RIOK3: variants seen among roughly 807,000 people sequenced by gnomAD.
The protein encoded by RIOK3 is RIO kinase 3, also known as serine/threonine-protein kinase RIO3.
Under a neutral mutation model 63.5 loss-of-function variants are expected in RIOK3, and 40 were observed. The observed-to-expected ratio is 0.63, with a 90% confidence interval of 0.49 to 0.82. The LOEUF is 0.82. Among genes scored for constraint, RIOK3 ranks in the 40% least tolerant of loss-of-function variants. The pLI, the probability that RIOK3 is intolerant of heterozygous loss-of-function variation, is 0.00. For missense variants in RIOK3, 557 were observed against 637.0 expected, an observed-to-expected ratio of 0.87 and a Z score of 1.35; for synonymous variants, 193 against 205.0, an observed-to-expected ratio of 0.94 and a Z score of 0.50.
intron 2 of RIOK3, among the ~76,000 whole-genome samples, chr18:23,463,638 A>T (rs1598806069): frequency 6.6e-6 from 1 of 151,156 alleles, no homozygotes; most frequent in South Asian, 2.1e-4. Flanking sequence ...CGAACTCCTG[A>T]CCTCAGATGA....
intron 3 of RIOK3, 43 bp downstream of exon 3, chr18:23,464,155 A>G (rs2057390277): frequency 2.5e-6 from 4 of 1,602,592 alleles, no homozygotes; most frequent in Admixed American, 1.7e-5. Context: ...GTGGTAGAAA[A>G]CACTCATAAT....
At chr18:23,473,761 T>C in intron 8 of RIOK3, 135 bp downstream of exon 8, 1 of 653,476 alleles carries the variant, frequency 1.5e-6, no homozygotes, top group Non-Finnish European at 2.5e-6. Flanking sequence ...TTCATACTTT[T>C]AGGATGAAAA....
chr18:23,471,325 T>G (rs1027566630), intron 7 of RIOK3, among the ~76,000 whole-genome samples: 2 of 152,180 alleles, frequency 1.3e-5, no homozygotes, highest in African/African-American at 2.4e-5. Context: ...GAACAGCTAG[T>G]GCTAATGCCT....
intron 9 of RIOK3, 34 bp downstream of exon 9, chr18:23,475,141 C>T: frequency 6.6e-7 from 1 of 1,524,780 alleles, no homozygotes; most frequent in Non-Finnish European, 8.9e-7. Context: ...TCACACACTA[C>T]CTTTAAAAAA....
chr18:23,473,168 A>G (rs2057466827), intron 7 of RIOK3, among the ~76,000 whole-genome samples: 1 of 152,200 alleles, frequency 6.6e-6, no homozygotes, highest in Non-Finnish European at 1.5e-5. Context: ...TTCAAGCTTG[A>G]TTCCGTAGTC....
At chr18:23,461,931 A>T (rs2057374104) in intron 1 of RIOK3, among the ~76,000 whole-genome samples, 1 of 151,260 alleles carries the variant, frequency 6.6e-6, no homozygotes, top group Non-Finnish European at 1.5e-5. Flanking sequence ...CTCTACTAAA[A>T]ATACAAAAAT....
In RIOK3 at chr18:23,480,863, G is replaced by C. The variant is rs566056643; in HGVS notation, c.1453-309G>C. Among the ~76,000 whole-genome samples the C allele has an allele frequency of 3.3e-5, 5 of 152,298 alleles. No homozygotes were observed. The East Asian group carries it at 9.6e-4, about 29-fold the overall frequency. On this transcript the variant is annotated intron_variant, in intron 12 of 12. Coordinates refer to ENST00000339486, the MANE Select transcript of RIOK3 (RefSeq NM_003831.5). Reference sequence around the variant, plus strand: ...GCACTCTGAGAGGCCAAGGCGGGTGGAACACCTGAGGTCAGGAGTTCGAGA... The same window carrying C: ...GCACTCTGAGAGGCCAAGGCGGGTGCAACACCTGAGGTCAGGAGTTCGAGA...
At chr18:23,457,557 A>T (rs1365613124) in intron 1 of RIOK3, among the ~76,000 whole-genome samples, 1 of 152,248 alleles carries the variant, frequency 6.6e-6, no homozygotes, top group Non-Finnish European at 1.5e-5. Flanking sequence ...TGACAAACGT[A>T]TAATACTAAT....
At chr18:23,467,298 G>A (rs979636758) in intron 6 of RIOK3, 101 bp from the exon 7 acceptor site, 1 of 1,058,286 alleles carries the variant, frequency 9.4e-7, no homozygotes, top group African/African-American at 1.6e-5. Context: ...TGGGTGACAA[G>A]AGCAAGACTC....
chr18:23,463,198 G>A, intron 2 of RIOK3, 119 bp downstream of exon 2: 1 of 578,288 alleles, frequency 1.7e-6, no homozygotes, highest in Non-Finnish European at 3.0e-6. Flanking sequence ...ACCATATTGA[G>A]AGTCCAGTGA....
chr18:23,481,818 T>A lies in RIOK3; in HGVS notation c.*539T>A, dbSNP rs2057536898. 1 of 152,244 alleles carries A rather than the reference T, an allele frequency of 6.6e-6. No homozygotes were observed. Among genetic ancestry groups the A allele is most frequent in the Non-Finnish European group, 1.5e-5 (1 of 68,052 alleles). 9.4% of individuals were successfully genotyped at this position (152,244 alleles called of 1,614,324 possible). Reference sequence around the variant, plus strand: ...AACAAATGGAAATTTGGTTTCAGAATGGCTGACAGAAATCGACATAAGTCA... The same window carrying A: ...AACAAATGGAAATTTGGTTTCAGAAAGGCTGACAGAAATCGACATAAGTCA... On this transcript the variant is annotated 3_prime_UTR_variant, in exon 13 of 13. Coordinates refer to ENST00000339486, the MANE Select transcript of RIOK3 (RefSeq NM_003831.5).
rs1157364729 is a variant in RIOK3, at chr18:23,464,741, G to T, written c.543+113G>T. ...TTCTAAAAATGTCTTTCTTTCTAAA[G>T]ATGTTTTTAGATAACAATATGGCAA... On this transcript the variant is annotated intron_variant, in intron 5 of 12. Transcript: ENST00000339486. The T allele has an allele frequency of 4.2e-5, 22 of 527,496 alleles. No individual in the cohort carries two copies. The East Asian group carries it at 6.4e-4, about 15-fold the overall frequency. The allele number at this position is 527,496 out of a possible 1,614,324, so 32.7% of individuals were successfully genotyped here. A position where few individuals can be genotyped will look rare whatever the true frequency, so the allele number is the denominator to read the frequency against.
Position 23,466,272 on chromosome 18 carries a change from C to CAGCA in RIOK3, c.684_687dup (p.Glu230SerfsTer6). 6.3e-7 allele frequency: 1 copy of CAGCA among 1,586,798 alleles called. No individual in the cohort carries two copies. The highest frequency in any genetic ancestry group is 8.5e-7 in the Non-Finnish European group (1 of 1,170,898). On this transcript the variant is annotated frameshift_variant, in exon 6 of 13. Coordinates refer to ENST00000339486, the MANE Select transcript of RIOK3 (RefSeq NM_003831.5). LOFTEE classifies it high-confidence loss of function. The stretch of plus-strand genomic sequence containing the variant: ...CTACATGAGAAAAAGGAGCATTCTA[C>CAGCA]AGCAGTAAGGATTTATAGATTTTTT...
rs1206585024 is a variant in RIOK3, at chr18:23,474,963, A to G, written c.1029A>G (p.Gly343=). ...MHNLARMQRA[G]IPCPTVVLLK... ...TTATGTATAGAATGCAGAGAGCTGGAATTCCTTGTCCAACAGTTGTACTAC... is the reference window on the plus strand; with the variant it reads ...TTATGTATAGAATGCAGAGAGCTGGGATTCCTTGTCCAACAGTTGTACTAC... The change falls in exon 9 of 13, where the codon GGA becomes GGG. Residue 343 remains glycine (G), a synonymous_variant. Coordinates refer to ENST00000339486, the MANE Select transcript of RIOK3 (RefSeq NM_003831.5). 3.1e-6 allele frequency: 5 copies of G among 1,609,994 alleles called. No homozygotes were observed. Among genetic ancestry groups the G allele is most frequent in the Non-Finnish European group, 3.4e-6 (4 of 1,176,670 alleles).
intron 8 of RIOK3, among the ~76,000 whole-genome samples, chr18:23,474,125 ATTATC>A (rs1406245306): frequency 6.6e-6 from 1 of 152,110 alleles, no homozygotes; most frequent in Non-Finnish European, 1.5e-5. Context: ...AAACCTTTCT[ATTATC>A]TTAATTTATT....
chr18:23,467,562 C>T (rs181076853), intron 7 of RIOK3, 36 bp downstream of exon 7: 316 of 1,591,726 alleles, frequency 2.0e-4, no homozygotes, highest in Admixed American at 1.4e-3. Context: ...GATATGAAAA[C>T]TTAGTCTCTT....
At chr18:23,464,443 C>A in intron 4 of RIOK3, 76 bp from the exon 5 acceptor site, 1 of 1,192,888 alleles carries the variant, frequency 8.4e-7, no homozygotes, top group Non-Finnish European at 1.2e-6. Flanking sequence ...ATTCAAATGT[C>A]TTTTCAGACA....
intron 7 of RIOK3, 106 bp from the exon 8 acceptor site, chr18:23,473,323 C>T: frequency 4.7e-6 from 3 of 639,218 alleles, no homozygotes; most frequent in Non-Finnish European, 7.9e-6. Flanking sequence ...AGACTTGACA[C>T]TGAGAGAAGG....
At chr18:23,456,978 T>A (rs901256742) in intron 1 of RIOK3, among the ~76,000 whole-genome samples, 4 of 152,156 alleles carry the variant, frequency 2.6e-5, no homozygotes, top group Non-Finnish European at 5.9e-5. Context: ...TTTAGAAAAT[T>A]TTAGAAAACA....
Sources: allele counts gnomAD v4.1 joint callset (sites outside exome capture counted in the v4.1 genomes callset), GRCh38; gene constraint gnomAD v4.1.1; transcripts MANE v1.5; gene names NCBI Gene and HGNC (gene_info 2026-07-23, HGNC 2026-07-21).